The following LRP1B variants were observed in gnomAD, a reference collection of about 807,000 sequenced individuals.
LRP1B encodes LDL receptor related protein 1B, also known as low-density lipoprotein receptor-related protein 1B.
In LRP1B, 217 loss-of-function variants were observed where a neutral mutation model predicts 556.6. That is an observed-to-expected ratio of 0.39 (90% CI 0.35 to 0.44). The LOEUF (loss-of-function observed/expected upper bound fraction) is 0.44. Ranked by LOEUF, LRP1B falls within the 20% of genes least tolerant of loss-of-function variation. The probability of loss-of-function intolerance (pLI) is 1.00; values close to 1 mark genes in which losing one functional copy is unlikely to be tolerated. For synonymous variants in LRP1B, 2,047 were observed against 1,865.8 expected (o/e 1.10, Z -2.50); for missense variants, 5,053 against 5,620.8 (o/e 0.90, Z 3.23).
intron 7 of LRP1B, among the ~76,000 whole-genome samples, chr2:141,169,193 G>A (rs1307594416): frequency 6.6e-6 from 1 of 151,546 alleles, no homozygotes; most frequent in Non-Finnish European, 1.5e-5. Context: ...GGCTGAGGTA[G>A]GACAATCACT....
intron 37 of LRP1B, among the ~76,000 whole-genome samples, chr2:140,715,353 A>G (rs911494938): frequency 2.6e-5 from 4 of 152,064 alleles, no homozygotes; most frequent in Non-Finnish European, 4.4e-5. Context: ...GGTAAAGATA[A>G]AGATAGAGGG....
chr2:141,468,747 C>A (rs185469265), intron 3 of LRP1B, among the ~76,000 whole-genome samples: 1 of 152,130 alleles, frequency 6.6e-6, no homozygotes, highest in East Asian at 1.9e-4. Flanking sequence ...TAGATTTTTT[C>A]TTGGCACTTT....
intron 3 of LRP1B, among the ~76,000 whole-genome samples, chr2:141,432,428 G>T (rs917466370): frequency 2.0e-5 from 3 of 151,960 alleles, no homozygotes; most frequent in Admixed American, 2.0e-4. Context: ...ATCTGGTTTT[G>T]AAATCAGGGT....
At chr2:140,779,144 C>T (rs969480405) in intron 32 of LRP1B, among the ~76,000 whole-genome samples, 10 of 151,802 alleles carry the variant, frequency 6.6e-5, no homozygotes, top group Non-Finnish European at 1.5e-4. Context: ...AAGTGATTCA[C>T]CAGCAAAAAG....
chr2:140,738,373 T>C (rs2105516057), intron 35 of LRP1B, among the ~76,000 whole-genome samples: 1 of 152,228 alleles, frequency 6.6e-6, no homozygotes, highest in South Asian at 2.1e-4. Context: ...GGAGGAGCTA[T>C]TTCTCAAACC....
intron 20 of LRP1B, among the ~76,000 whole-genome samples, chr2:140,941,447 G>A (rs1695399697): frequency 6.6e-6 from 1 of 152,148 alleles, no homozygotes; most frequent in Non-Finnish European, 1.5e-5. Flanking sequence ...TGCAGGATGT[G>A]AGGACTGGTC....
chr2:140,743,997 A>G (rs1688232401), intron 35 of LRP1B, among the ~76,000 whole-genome samples: 1 of 141,712 alleles, frequency 7.1e-6, no homozygotes, highest in Non-Finnish European at 1.6e-5. Context: ...AAAAAGTAAA[A>G]AGTAAAATCC....
intron 28 of LRP1B, 144 bp from the exon 29 acceptor site, chr2:140,850,473 A>T (rs112547492): frequency 0.036 from 20,692 of 568,900 alleles, 466 homozygotes; most frequent in Middle Eastern, 0.065. Context: ...GTAACAATTT[A>T]TCTATTTTAA....
At chr2:141,884,375 TAAAAAGAA>T (rs1162642896) in intron 1 of LRP1B, among the ~76,000 whole-genome samples, 2 of 151,920 alleles carry the variant, frequency 1.3e-5, no homozygotes, top group African/African-American at 4.8e-5. Flanking sequence ...ATCCTGTGTC[TAAAAAGAA>T]AAAAAGAAAA....
At chr2:140,285,035 T>C (rs1413542145) in intron 84 of LRP1B, among the ~76,000 whole-genome samples, 3 of 150,068 alleles carry the variant, frequency 2.0e-5, no homozygotes, top group African/African-American at 4.9e-5. Flanking sequence ...TGTATATATA[T>C]ATATATATGG....
chr2:140,393,699 G>T (rs1423435600), intron 66 of LRP1B, among the ~76,000 whole-genome samples: 1 of 152,054 alleles, frequency 6.6e-6, no homozygotes, highest in South Asian at 2.1e-4. Context: ...ATAATGAGGT[G>T]AAAAGAACTA....
At chr2:141,129,213 A>G (rs1701289586) in intron 7 of LRP1B, among the ~76,000 whole-genome samples, 1 of 152,164 alleles carries the variant, frequency 6.6e-6, no homozygotes, top group African/African-American at 2.4e-5. Flanking sequence ...TAATTTCTGA[A>G]CAAATGGAGA....
chr2:141,840,404 C>T (rs951622499), intron 1 of LRP1B, among the ~76,000 whole-genome samples: 6 of 151,074 alleles, frequency 4.0e-5, no homozygotes, highest in African/African-American at 1.5e-4. Context: ...GCTGGGACTG[C>T]AGGCACCCGC....
chr2:141,877,527 G>A (rs773518945), intron 1 of LRP1B, among the ~76,000 whole-genome samples: 2 of 151,968 alleles, frequency 1.3e-5, no homozygotes, highest in African/African-American at 2.4e-5. Context: ...GAGACTCAAA[G>A]CAATGTCAAA....
intron 88 of LRP1B, among the ~76,000 whole-genome samples, chr2:140,238,619 T>A (rs1423516723): frequency 6.6e-6 from 1 of 150,946 alleles, no homozygotes; most frequent in Non-Finnish European, 1.5e-5. Flanking sequence ...ACTCTAAGAT[T>A]GTTTTCAATC....
At chr2:141,624,958 C>T (rs1165392334) in intron 2 of LRP1B, among the ~76,000 whole-genome samples, 2 of 151,848 alleles carry the variant, frequency 1.3e-5, no homozygotes, top group Non-Finnish European at 2.9e-5. Context: ...TTAGTAGAGT[C>T]GGGGTTTCAC....
intron 22 of LRP1B, among the ~76,000 whole-genome samples, chr2:140,907,288 G>T (rs745791833): frequency 6.6e-6 from 1 of 152,102 alleles, no homozygotes; most frequent in Middle Eastern, 3.4e-3. Flanking sequence ...GTGCTGGTTG[G>T]TAAGAAAGAT....
intron 35 of LRP1B, among the ~76,000 whole-genome samples, chr2:140,719,317 A>G (rs983207141): frequency 6.6e-6 from 1 of 152,112 alleles, no homozygotes; most frequent in African/African-American, 2.4e-5. Context: ...GAAATGGCTA[A>G]CAACCAGAAA....
chr2:141,206,692 A>T (rs1220922697), intron 6 of LRP1B, among the ~76,000 whole-genome samples: 3 of 152,138 alleles, frequency 2.0e-5, no homozygotes, highest in East Asian at 3.9e-4. Flanking sequence ...TCCTCTGTCC[A>T]TTTGAGGTGA....
Sources: gnomAD v4.1 joint callset for allele counts (sites outside exome capture counted in the v4.1 genomes callset) on GRCh38, gnomAD v4.1.1 for gene constraint, MANE v1.5 for transcripts, NCBI Gene and HGNC (gene_info 2026-07-23, HGNC 2026-07-21) for gene names.